Variants in BRIP1 observed in about 807,000 individuals in gnomAD.
The protein encoded by BRIP1 is BRCA1 interacting DNA helicase 1.
A neutral mutation model predicts 119.7 loss-of-function variants in BRIP1; 88 were observed. That is an observed-to-expected ratio of 0.74 (90% CI 0.62 to 0.88). BRIP1 has a LOEUF of 0.88. Ranked by LOEUF, BRIP1 falls within the 40% of genes least tolerant of loss-of-function variation. The pLI, the probability that BRIP1 is intolerant of heterozygous loss-of-function variation, is 0.00. For synonymous variants in BRIP1, 443 were observed against 496.5 expected (o/e 0.89, Z 1.43); for missense variants, 1,259 against 1,455.4 (o/e 0.87, Z 2.20).
At position 61,704,256 on chromosome 17, in the gene BRIP1, A is replaced by T. The variant is rs1326369427; in HGVS notation, c.2493-10744T>A. The stretch of plus-strand genomic sequence containing the variant: ...TTCCCCCTTTTCCTTTTGTTTTTGT[A>T]GTCTTCATCTGGTTTGGTTGCTGGT... On this transcript the variant is annotated intron_variant, in intron 17 of 19. Transcript: ENST00000259008. This position sits in a 1 kb window ranked among gnomAD's most constrained non-coding sequence, Gnocchi z 5.7. Among the ~76,000 whole-genome samples, 1 of 151,704 alleles carries T rather than the reference A, an allele frequency of 6.6e-6. No individual in the cohort carries two copies. Among genetic ancestry groups the T allele is most frequent in the East Asian group, 1.9e-4 (1 of 5,180 alleles).
chr17:61,761,289 C>T lies in BRIP1; in HGVS notation c.2097+15112G>A, dbSNP rs2077273511. ...CAATAAAGGCCAAATATGATAAGAC[C>T]ACACTTAACATTATATTCAATGGTG... On this transcript the variant is annotated intron_variant, in intron 14 of 19. Coordinates refer to ENST00000259008, the MANE Select transcript of BRIP1 (RefSeq NM_032043.3). This position sits in a 1 kb window ranked among gnomAD's most constrained non-coding sequence, Gnocchi z 6.4. Among the ~76,000 whole-genome samples, 1 of 151,766 alleles carries T rather than the reference C, an allele frequency of 6.6e-6. No individual in the cohort carries two copies. Among genetic ancestry groups the T allele is most frequent in the South Asian group, 2.1e-4 (1 of 4,812 alleles).
rs1056702243 is a variant in BRIP1, at chr17:61,804,678, C to T, written c.919-3204G>A. Among the ~76,000 whole-genome samples, 3 of 151,776 alleles carry T rather than the reference C, an allele frequency of 2.0e-5. No homozygotes were observed. The highest frequency in any genetic ancestry group is 1.9e-4 in the East Asian group (1 of 5,200). On this transcript the variant is annotated intron_variant, in intron 7 of 19. Coordinates refer to ENST00000259008, the MANE Select transcript of BRIP1 (RefSeq NM_032043.3). The surrounding 1 kb of genome is among the most constrained non-coding windows in gnomAD (Gnocchi z 4.5). Reference sequence around the variant, plus strand: ...GCATTACAGGCATGAGCATCATGCCCGGCCAATGTATTTTTTACAAATACA... The same window carrying T: ...GCATTACAGGCATGAGCATCATGCCTGGCCAATGTATTTTTTACAAATACA...
rs914213482 is a variant in BRIP1 at position 61,768,944 on chromosome 17, G to GA, written c.2097+7456dup. Among the ~76,000 whole-genome samples, 54 of 148,440 alleles carry GA rather than the reference G, an allele frequency of 3.6e-4. No homozygotes were observed. The highest frequency in any genetic ancestry group is 2.3e-3 in the Admixed American group (35 of 14,956). ...GACACCTTTGTTGGCTTTGAAGAAG[G>GA]AAAAAAAAAAGTAGTAGTAGTAATA... is the stretch of plus-strand genomic sequence containing the variant. On this transcript the variant is annotated intron_variant, in intron 14 of 19. Coordinates refer to ENST00000259008, the MANE Select transcript of BRIP1 (RefSeq NM_032043.3). The surrounding 1 kb of genome is among the most constrained non-coding windows in gnomAD (Gnocchi z 5.0).
At chr17:61,788,543 A>G (rs2077767796) in intron 10 of BRIP1, among the ~76,000 whole-genome samples, 1 of 152,258 alleles carries the variant, frequency 6.6e-6, no homozygotes, top group Non-Finnish European at 1.5e-5. Context: ...TAATAAAGTG[A>G]GGGATATGCC....
At position 61,848,319 on chromosome 17, in the gene BRIP1, G is replaced by A. The variant is rs2078764663; in HGVS notation, c.507+810C>T. ...CAGCCTCCCAAGTAGCTGGAAAGTA[G>A]TCTGTAGGGCTACATGTCTGATGAG... is the stretch of plus-strand genomic sequence containing the variant. On this transcript the variant is annotated intron_variant, in intron 5 of 19. Transcript: ENST00000259008. This position sits in a 1 kb window ranked among gnomAD's most constrained non-coding sequence, Gnocchi z 4.3. Among the ~76,000 whole-genome samples, 1 of 152,000 alleles carries A rather than the reference G, an allele frequency of 6.6e-6. No homozygotes were observed. Among genetic ancestry groups the A allele is most frequent in the African/African-American group, 2.4e-5 (1 of 41,382 alleles).
In BRIP1 at chr17:61,685,812, GTAAAT is replaced by G. The variant is rs1157279744; in HGVS notation, c.2905+19_2905+23del. ...ATAATGAAAGACTTCTCTATCAAAGGTAAATGGGAAGAACTTTTCATACTTTTCTC... is the reference window on the plus strand; with the variant it reads ...ATAATGAAAGACTTCTCTATCAAAGGGGGAAGAACTTTTCATACTTTTCTC... On this transcript the variant is annotated intron_variant, in intron 19 of 19. Coordinates refer to ENST00000259008, the MANE Select transcript of BRIP1 (RefSeq NM_032043.3). 1.3e-6 allele frequency: 2 copies of G among 1,558,980 alleles called. No homozygotes were observed. Among genetic ancestry groups the G allele is most frequent in the Admixed American group, 3.4e-5 (2 of 59,668 alleles).
rs2145832696 is a variant in BRIP1, at chr17:61,857,292, T to C, written c.206-61A>G. 7.0e-7 allele frequency: 1 copy of C among 1,434,730 alleles called. No individual in the cohort carries two copies. Among genetic ancestry groups the C allele is most frequent in the Non-Finnish European group, 9.5e-7 (1 of 1,048,652 alleles). The allele number at this position is 1,434,730 out of a possible 1,614,324, so 88.9% of individuals were successfully genotyped here. A position where few individuals can be genotyped will look rare whatever the true frequency, so the allele number is the denominator to read the frequency against. Reference sequence around the variant, plus strand: ...AATTAAATAAACATCAATCATTCTCTACAGCCCAGTTCACCCAGGATTGGG... The same window carrying C: ...AATTAAATAAACATCAATCATTCTCCACAGCCCAGTTCACCCAGGATTGGG... On this transcript the variant is annotated intron_variant, in intron 3 of 19. Transcript: ENST00000259008. The surrounding 1 kb of genome is among the most constrained non-coding windows in gnomAD (Gnocchi z 5.1).
rs77082273 is a variant in BRIP1, at chr17:61,694,140, T to C, written c.2493-628A>G. Among the ~76,000 whole-genome samples, 216 of 152,292 alleles carry C rather than the reference T, an allele frequency of 1.4e-3. 5 individuals are homozygous for C. The East Asian group carries it at 0.035, about 25-fold the overall frequency. On this transcript the variant is annotated intron_variant, in intron 17 of 19. Transcript: ENST00000259008. ...AATTTTAAAGTGCACAATGCAATGG[T>C]TTGTGGTATATTTACAAGGCTGTAT...
At chr17:61,716,111 C>T (rs2144385757) in intron 16 of BRIP1, 48 bp from the exon 17 acceptor site, 1 of 1,095,244 alleles carries the variant, frequency 9.1e-7, no homozygotes, top group South Asian at 1.6e-5. Flanking sequence ...AATTAAAGCT[C>T]ATTTTAAACA....
chr17:61,697,724 GCT>G (rs2061551121), intron 17 of BRIP1, among the ~76,000 whole-genome samples: 3 of 149,294 alleles, frequency 2.0e-5, no homozygotes, highest in African/African-American at 4.9e-5. Context: ...GGTTTAGTTT[GCT>G]CTTTTTTTTT....
rs756269682 is a variant in BRIP1 at position 61,847,159 on chromosome 17, C to T, written c.569G>A (p.Gly190Glu). The T allele has an allele frequency of 1.9e-6, 3 of 1,613,612 alleles. No individual in the cohort carries two copies. Among genetic ancestry groups the T allele is most frequent in the East Asian group, 2.2e-5 (1 of 44,838 alleles). Reference sequence around the variant, plus strand: ...TGGAGAGTTGAGTTTTACAGTCTTTCCTGAATCAACTTTTGCATCCAAATT... The same window carrying T: ...TGGAGAGTTGAGTTTTACAGTCTTTTCTGAATCAACTTTTGCATCCAAATT... Reference protein sequence around the residue: ...VHNLDAKVDSGKTVKLNSPLE... With the variant: ...VHNLDAKVDSEKTVKLNSPLE... The change falls in exon 6 of 20, where the codon GGA becomes GAA. Residue 190 changes from glycine (G) to glutamate (E), a missense_variant. Gly to Glu is a moderately conservative substitution (Grantham distance 98). Around this residue, in one of 3 missense-constraint regions of BRIP1, gnomAD observed 501 missense variants for 544.0 expected, o/e 0.92. Coordinates refer to ENST00000259008, the MANE Select transcript of BRIP1 (RefSeq NM_032043.3).
chr17:61,759,355 C>G lies in BRIP1; in HGVS notation c.2098-14764G>C, dbSNP rs2077244476. On this transcript the variant is annotated intron_variant, in intron 14 of 19. Coordinates refer to ENST00000259008, the MANE Select transcript of BRIP1 (RefSeq NM_032043.3). The surrounding 1 kb of genome is among the most constrained non-coding windows in gnomAD (Gnocchi z 4.9). ...AGAACATTATTTAACAAAAAAAGGT[C>G]AATTCATCAAGAGGATATAACAATT... 6.6e-6 allele frequency among the ~76,000 whole-genome samples: 1 copy of G among 151,956 alleles called. No individual in the cohort carries two copies. Among genetic ancestry groups the G allele is most frequent in the Admixed American group, 6.6e-5 (1 of 15,234 alleles).
chr17:61,780,203 A>G lies in BRIP1; in HGVS notation c.1935+58T>C. 1.3e-6 allele frequency: 2 copies of G among 1,534,190 alleles called. No homozygotes were observed. Among genetic ancestry groups the G allele is most frequent in the African/African-American group, 1.4e-5 (1 of 72,878 alleles). Reference sequence around the variant, plus strand: ...TTCAGGTATCTTCTAACTTGTTTACATAGTTATATTGAAGTAGAAACACTG... The same window carrying G: ...TTCAGGTATCTTCTAACTTGTTTACGTAGTTATATTGAAGTAGAAACACTG... On this transcript the variant is annotated intron_variant, in intron 13 of 19. Transcript: ENST00000259008. This position sits in a 1 kb window ranked among gnomAD's most constrained non-coding sequence, Gnocchi z 5.4.
intron 6 of BRIP1, among the ~76,000 whole-genome samples, chr17:61,818,904 G>T (rs539628699): frequency 6.6e-6 from 1 of 151,950 alleles, no homozygotes; most frequent in Non-Finnish European, 1.5e-5. Flanking sequence ...GGCTTTTATT[G>T]GCTGGGCACG....
intron 11 of BRIP1, 87 bp downstream of exon 11, chr17:61,784,183 C>A: frequency 8.3e-7 from 1 of 1,207,272 alleles, no homozygotes; most frequent in Non-Finnish European, 1.2e-6. Context: ...TATTTACTCA[C>A]CCAAAATAGG....
At chr17:61,777,084 T>C (rs1384943840) in intron 13 of BRIP1, among the ~76,000 whole-genome samples, 2 of 152,106 alleles carry the variant, frequency 1.3e-5, no homozygotes, top group African/African-American at 2.4e-5. Flanking sequence ...CTCCCTTATA[T>C]GTAGAGAGAG....
At chr17:61,786,072 T>A (rs1019829649) in intron 10 of BRIP1, among the ~76,000 whole-genome samples, 1 of 152,024 alleles carries the variant, frequency 6.6e-6, no homozygotes, top group Non-Finnish European at 1.5e-5. Context: ...TAATAATACA[T>A]ACACGTGATG....
At chr17:61,750,294 G>T (rs1410914343) in intron 14 of BRIP1, among the ~76,000 whole-genome samples, 3 of 152,102 alleles carry the variant, frequency 2.0e-5, no homozygotes, top group Admixed American at 1.3e-4. Context: ...TCAGCAGATG[G>T]TGTTGAGAAA....
In BRIP1 at chr17:61,769,048, C is replaced by A. The variant is rs1162190501; in HGVS notation, c.2097+7353G>T. On this transcript the variant is annotated intron_variant, in intron 14 of 19. Transcript: ENST00000259008. This position sits in a 1 kb window ranked among gnomAD's most constrained non-coding sequence, Gnocchi z 4.9. ...AGACCTAAGAGTCATCCTTAGCCAA[C>A]AGCCCGCAAAAGACTGGGTATCTCA... Among the ~76,000 whole-genome samples the A allele has an allele frequency of 6.6e-6, 1 of 152,118 alleles. No individual in the cohort carries two copies. The highest frequency in any genetic ancestry group is 1.5e-5 in the Non-Finnish European group (1 of 68,026).
Sources: allele counts gnomAD v4.1 joint callset (sites outside exome capture counted in the v4.1 genomes callset), GRCh38; gene constraint gnomAD v4.1.1; regional missense constraint gnomAD v4.1.1; non-coding constraint Gnocchi (gnomAD v3.1); transcripts MANE v1.5; gene names NCBI Gene and HGNC (gene_info 2026-07-23, HGNC 2026-07-21).